Variants in PAQR5 observed in about 807,000 individuals in gnomAD.
PAQR5 encodes membrane progestin receptor gamma.
Under a neutral mutation model 34.5 loss-of-function variants are expected in PAQR5, and 20 were observed. That is an observed-to-expected ratio of 0.58 (90% CI 0.41 to 0.84). The LOEUF is 0.84. Ranked by LOEUF, PAQR5 falls within the 40% of genes least tolerant of loss-of-function variation. PAQR5 has a pLI of 0.00. For synonymous variants in PAQR5, 131 were observed against 155.6 expected, an observed-to-expected ratio of 0.84 and a Z score of 1.18; for missense variants, 378 against 412.7, an observed-to-expected ratio of 0.92 and a Z score of 0.73.
At position 69,325,545 on chromosome 15, in the gene PAQR5, C is replaced by A. The variant is rs138415167; in HGVS notation, c.-276-11796C>A. On this transcript the variant is annotated intron_variant, in intron 1 of 8. Transcript: ENST00000395407. The stretch of plus-strand genomic sequence containing the variant: ...TTCTTCATCCCCATATCTTTCCTAC[C>A]ATAGCTTTGGACATATAGTAGGTAT... Among the ~76,000 whole-genome samples, 129 of 152,240 alleles carry A rather than the reference C, an allele frequency of 8.5e-4. 1 individual carries two copies. The highest frequency in any genetic ancestry group is 2.8e-3 in the African/African-American group (117 of 41,532).
chr15:69,338,287 T>C (rs1210038132), intron 2 of PAQR5, among the ~76,000 whole-genome samples: 1 of 152,236 alleles, frequency 6.6e-6, no homozygotes, highest in Non-Finnish European at 1.5e-5. Context: ...TTAGCTGTTC[T>C]TGAGGTTTTT....
chr15:69,364,556 A>ATATATGTAATATATAT (rs1567022348), intron 3 of PAQR5, among the ~76,000 whole-genome samples: 33 of 131,500 alleles, frequency 2.5e-4, no homozygotes, highest in Admixed American at 7.7e-4. Flanking sequence ...ATATATATAT[A>ATATATGTAATATATAT]ACGAGTTGTG....
intron 8 of PAQR5, among the ~76,000 whole-genome samples, chr15:69,400,644 C>A (rs2056598267): frequency 6.6e-6 from 1 of 152,166 alleles, no homozygotes; most frequent in South Asian, 2.1e-4. Context: ...TCATGCACTG[C>A]ACTCTAGCCT....
In PAQR5 at chr15:69,322,832, A is replaced by AGAAGAG. The variant is rs1566998234; in HGVS notation, c.-276-14503_-276-14498dup. ...AAGAGGAAGAAGAAGAAGAAGAAGA[A>AGAAGAG]GAAGAGGAAGAAGAAGAGGAATTAT... On this transcript the variant is annotated intron_variant, in intron 1 of 8. Transcript: ENST00000395407. 2.2e-3 allele frequency among the ~76,000 whole-genome samples: 172 copies of AGAAGAG among 78,522 alleles called. 20 individuals are homozygous for AGAAGAG. The highest frequency in any genetic ancestry group is 4.4e-3 in the Non-Finnish European group (128 of 29,358). 51.5% of individuals were successfully genotyped at this position (78,522 alleles called of 152,430 possible).
intron 1 of PAQR5, among the ~76,000 whole-genome samples, chr15:69,335,211 G>T (rs1444643832): frequency 1.4e-5 from 2 of 144,840 alleles, no homozygotes; most frequent in East Asian, 4.3e-4. Context: ...GTGAGACCAT[G>T]TCTCAAAAAA....
At chr15:69,342,772 C>A (rs1375240368) in intron 2 of PAQR5, among the ~76,000 whole-genome samples, 2 of 152,202 alleles carry the variant, frequency 1.3e-5, no homozygotes, top group African/African-American at 4.8e-5. Flanking sequence ...GGGAGAGGAT[C>A]AGAAGTGTGG....
At position 69,359,967 on chromosome 15, in the gene PAQR5, G is replaced by A; in HGVS notation, c.-114G>A. The A allele has an allele frequency of 1.3e-6, 1 of 772,034 alleles. No individual in the cohort carries two copies. Among genetic ancestry groups the A allele is most frequent in the Non-Finnish European group, 2.3e-6 (1 of 444,408 alleles). The allele number at this position is 772,034 out of a possible 1,614,324, so 47.8% of individuals were successfully genotyped here. On this transcript the variant is annotated splice_region_variant and 5_prime_UTR_variant, in exon 3 of 9. Coordinates refer to ENST00000395407, the MANE Select transcript of PAQR5 (RefSeq NM_017705.4). ...TTTCTTCATGCTGTCCTCTTTCAGG[G>A]AAGCGGCACAGCACCAGCTAGGCAG...
intron 2 of PAQR5, among the ~76,000 whole-genome samples, chr15:69,346,959 G>A (rs1231739125): frequency 6.6e-6 from 1 of 152,050 alleles, no homozygotes; most frequent in African/African-American, 2.4e-5. Context: ...TGGGTTTACA[G>A]GCACCCACCA....
chr15:69,332,172 T>C (rs1487473067), intron 1 of PAQR5, among the ~76,000 whole-genome samples: 1 of 152,260 alleles, frequency 6.6e-6, no homozygotes, highest in Non-Finnish European at 1.5e-5. Context: ...TCTTAGGCGG[T>C]AGCAAATCTG....
intron 1 of PAQR5, among the ~76,000 whole-genome samples, chr15:69,310,931 C>T (rs1414361763): frequency 9.2e-5 from 13 of 141,498 alleles, no homozygotes; most frequent in Admixed American, 8.2e-4. Flanking sequence ...CCCAGCTACT[C>T]GGGAGGCTGA....
chr15:69,309,718 G>C (rs1266364510), intron 1 of PAQR5, among the ~76,000 whole-genome samples: 1 of 152,124 alleles, frequency 6.6e-6, no homozygotes, highest in Admixed American at 6.5e-5. Context: ...TTTCCACCTA[G>C]CTACCTACTG....
At position 69,406,829 on chromosome 15, in the gene PAQR5, C is replaced by T. The variant is rs1240068345; in HGVS notation, c.*3007C>T. On this transcript the variant is annotated 3_prime_UTR_variant, in exon 9 of 9. Coordinates refer to ENST00000395407, the MANE Select transcript of PAQR5 (RefSeq NM_017705.4). ...ATGCTGCAGTGAGCTATGATTGCGC[C>T]ATTGCGCTCCAGACTGGGCAACAGG... is the stretch of plus-strand genomic sequence containing the variant. 5 of 150,952 alleles carry T rather than the reference C, an allele frequency of 3.3e-5. No individual in the cohort carries two copies. The highest frequency in any genetic ancestry group is 1.2e-4 in the African/African-American group (5 of 40,938). 9.4% of individuals were successfully genotyped at this position (150,952 alleles called of 1,614,324 possible).
chr15:69,357,889 C>T (rs1203672265), intron 2 of PAQR5, among the ~76,000 whole-genome samples: 1 of 152,128 alleles, frequency 6.6e-6, no homozygotes, highest in Non-Finnish European at 1.5e-5. Context: ...CAGGGTGGAC[C>T]ATGCATACAC....
chr15:69,304,346 G>A (rs2053668932), intron 1 of PAQR5, among the ~76,000 whole-genome samples: 1 of 152,214 alleles, frequency 6.6e-6, no homozygotes, highest in Non-Finnish European at 1.5e-5. Context: ...ACGTGAGTCA[G>A]TTGTTCATAA....
At position 69,404,423 on chromosome 15, in the gene PAQR5, C is replaced by T. The variant is rs1156582440; in HGVS notation, c.*601C>T. 6.6e-6 allele frequency: 1 copy of T among 152,512 alleles called. No individual in the cohort carries two copies. The highest frequency in any genetic ancestry group is 1.5e-5 in the Non-Finnish European group (1 of 68,274). The allele number at this position is 152,512 out of a possible 1,614,324, so 9.4% of individuals were successfully genotyped here. ...GGGGAGTCCTCTCTTCCCACAAGTCCATTCTGCCTTCAAAGTGTAAGTTCT... is the reference window on the plus strand; with the variant it reads ...GGGGAGTCCTCTCTTCCCACAAGTCTATTCTGCCTTCAAAGTGTAAGTTCT... On this transcript the variant is annotated 3_prime_UTR_variant, in exon 9 of 9. Coordinates refer to ENST00000395407, the MANE Select transcript of PAQR5 (RefSeq NM_017705.4).
rs184207473 is a variant in PAQR5, at chr15:69,359,757, G to A, written c.-115-209G>A. On this transcript the variant is annotated intron_variant, in intron 2 of 8. Coordinates refer to ENST00000395407, the MANE Select transcript of PAQR5 (RefSeq NM_017705.4). ...TTGGGCATAAGACAATATGAGGGGT[G>A]GTCTCCTCCCTTATTATTAATTACC... Among the ~76,000 whole-genome samples the A allele has an allele frequency of 2.1e-3, 313 of 151,870 alleles. 2 individuals are homozygous for A. Among genetic ancestry groups the A allele is most frequent in the East Asian group, 3.1e-3 (16 of 5,154 alleles).
At position 69,336,129 on chromosome 15, in the gene PAQR5, A is replaced by C. The variant is rs1395845519; in HGVS notation, c.-276-1212A>C. Among the ~76,000 whole-genome samples, 3 of 152,272 alleles carry C rather than the reference A, an allele frequency of 2.0e-5. No individual in the cohort carries two copies. In the East Asian group the frequency reaches 5.8e-4, roughly 29 times the overall value. ...AGCTAAGTCTCCTCTATCAGAGTAA[A>C]GGCTTTCTTTTTTAAAAAAATTTTT... On this transcript the variant is annotated intron_variant, in intron 1 of 8. Transcript: ENST00000395407.
At chr15:69,361,310 A>T (rs750516102) in intron 3 of PAQR5, among the ~76,000 whole-genome samples, 1 of 152,252 alleles carries the variant, frequency 6.6e-6, no homozygotes, top group East Asian at 1.9e-4. Flanking sequence ...GAATAATTAC[A>T]TACAAATCCT....
intron 1 of PAQR5, among the ~76,000 whole-genome samples, 199 bp from the exon 2 acceptor site, chr15:69,337,142 A>G (rs891340436): frequency 1.3e-5 from 2 of 152,228 alleles, no homozygotes; most frequent in Admixed American, 1.3e-4. Flanking sequence ...TTTTCAGAGT[A>G]AAGATTACTT....
Sources: gnomAD v4.1 joint callset for allele counts (sites outside exome capture counted in the v4.1 genomes callset) on GRCh38, gnomAD v4.1.1 for gene constraint, MANE v1.5 for transcripts, NCBI Gene and HGNC (gene_info 2026-07-23, HGNC 2026-07-21) for gene names.